The following PIK3C3 variants were observed in gnomAD, a reference collection of about 807,000 sequenced individuals.
PIK3C3 encodes phosphatidylinositol 3-kinase catalytic subunit type 3, also known as PI3-kinase type 3.
A neutral mutation model predicts 126.1 loss-of-function variants in PIK3C3; 95 were observed. The ratio of observed to expected loss-of-function variants is 0.75; its 90% CI spans 0.64 to 0.89. The LOEUF is 0.89. Among genes scored for constraint, PIK3C3 ranks in the 40% least tolerant of loss-of-function variants. The probability of loss-of-function intolerance (pLI) is 0.00; values close to 1 mark genes in which losing one functional copy is unlikely to be tolerated. For synonymous variants in PIK3C3, 374 were observed against 360.0 expected, an observed-to-expected ratio of 1.04 and a Z score of -0.44; for missense variants, 829 against 1,063.2, an observed-to-expected ratio of 0.78 and a Z score of 3.06.
At chr18:42,048,226 C>G (rs1320796129) in intron 20 of PIK3C3, among the ~76,000 whole-genome samples, 2 of 152,160 alleles carry the variant, frequency 1.3e-5, no homozygotes, top group Non-Finnish European at 2.9e-5. Flanking sequence ...TAAGAAATTG[C>G]TGTTGTTCTA....
At chr18:42,003,555 G>C (rs1982394317) in intron 9 of PIK3C3, among the ~76,000 whole-genome samples, 1 of 152,160 alleles carries the variant, frequency 6.6e-6, no homozygotes, top group African/African-American at 2.4e-5. Flanking sequence ...GGGATTACAG[G>C]CATGAGCCAC....
intron 21 of PIK3C3, among the ~76,000 whole-genome samples, chr18:42,057,141 AC>A (rs1405980305): frequency 1.3e-5 from 2 of 148,600 alleles, no homozygotes; most frequent in Non-Finnish European, 3.0e-5. Flanking sequence ...TACATACTAT[AC>A]AATGAAAACA....
At chr18:42,052,815 A>G (rs1477472038) in intron 21 of PIK3C3, 5 of 152,154 alleles carry the variant, frequency 3.3e-5, no homozygotes, top group African/African-American at 1.2e-4. Context: ...TGTCCATTGT[A>G]TATTTTGAGT....
chr18:42,049,833 C>T lies in PIK3C3; in HGVS notation c.2263+228C>T, dbSNP rs887711918. 11 of 350,026 alleles carry T rather than the reference C, an allele frequency of 3.1e-5. No individual in the cohort carries two copies. In the East Asian group the frequency reaches 3.3e-4, roughly 10 times the overall value. 21.7% of individuals were successfully genotyped at this position (350,026 alleles called of 1,614,324 possible). A position where few individuals can be genotyped will look rare whatever the true frequency, so the allele number is the denominator to read the frequency against. The stretch of plus-strand genomic sequence containing the variant: ...TACTAAACACACAAAATTTGCCGGG[C>T]GTGGTGGTACATGCCTGTAATCCCA... On this transcript the variant is annotated intron_variant, in intron 21 of 24. Transcript: ENST00000262039.
At chr18:42,079,998 AGTGTGTGTGT>A (rs71174081) in intron 24 of PIK3C3, among the ~76,000 whole-genome samples, 5 of 137,348 alleles carry the variant, frequency 3.6e-5, no homozygotes, top group African/African-American at 1.1e-4. Flanking sequence ...TAAGAGAGAG[AGTGTGTGTGT>A]GTGTGTGTGT....
intron 3 of PIK3C3, among the ~76,000 whole-genome samples, chr18:41,967,963 A>G (rs1282756036): frequency 1.3e-5 from 2 of 152,294 alleles, no homozygotes; most frequent in East Asian, 3.9e-4. Flanking sequence ...TCCCAAGTGG[A>G]CACGATGCTC....
chr18:42,023,245 T>C (rs1983406517), intron 13 of PIK3C3, among the ~76,000 whole-genome samples: 1 of 152,240 alleles, frequency 6.6e-6, no homozygotes, highest in Non-Finnish European at 1.5e-5. Flanking sequence ...ACATATTCTT[T>C]GTGTTTGATT....
At chr18:41,957,487 A>G in intron 1 of PIK3C3, 83 bp from the exon 2 acceptor site, 2 of 1,327,570 alleles carry the variant, frequency 1.5e-6, no homozygotes, top group Non-Finnish European at 2.1e-6. Context: ...CTTAAAGCAT[A>G]TATGTACATG....
rs140660681 is a variant in PIK3C3 at position 41,995,892 on chromosome 18, G to A, written c.789G>A (p.Glu263=). Residue 263 remains glutamate (E), a splice_region_variant and synonymous_variant, in exon 8 of 25, where the codon GAG becomes GAA. Coordinates refer to ENST00000262039, the MANE Select transcript of PIK3C3 (RefSeq NM_002647.4). ...VKVPDPQMSM[E]NLVESKHHKL... is the part of the protein sequence containing the mutation. ...CAATATTTTAAAATAATTTGTAGGA[G>A]AATTTAGTTGAGAGCAAACACCACA... The A allele has an allele frequency of 4.5e-5, 72 of 1,605,316 alleles. 1 individual carries two copies. The highest frequency in any genetic ancestry group is 1.7e-4 in the Middle Eastern group (1 of 6,058).
chr18:42,074,894 T>C (rs1041270189), intron 24 of PIK3C3, among the ~76,000 whole-genome samples: 4 of 152,128 alleles, frequency 2.6e-5, no homozygotes, highest in Non-Finnish European at 4.4e-5. Context: ...CTCTCTAGTT[T>C]TAAATTGTGT....
intron 4 of PIK3C3, 21 bp downstream of exon 4, chr18:41,970,477 C>T: frequency 6.2e-7 from 1 of 1,610,160 alleles, no homozygotes; most frequent in East Asian, 2.2e-5. Context: ...TCATTTGGAA[C>T]AGGTGCAAAG....
At chr18:41,992,184 ATT>A (rs1205257737) in intron 6 of PIK3C3, among the ~76,000 whole-genome samples, 1 of 152,118 alleles carries the variant, frequency 6.6e-6, no homozygotes, top group Non-Finnish European at 1.5e-5. Context: ...ACCCTGTCAT[ATT>A]TCCACTTAGT....
intron 15 of PIK3C3, 34 bp downstream of exon 15, chr18:42,029,475 G>A: frequency 9.1e-7 from 1 of 1,096,098 alleles, no homozygotes; most frequent in East Asian, 2.6e-5. Flanking sequence ...GTTCCTAATA[G>A]CATCTTGGCA....
chr18:42,004,677 G>A (rs923115251), intron 10 of PIK3C3, 136 bp downstream of exon 10: 7 of 637,740 alleles, frequency 1.1e-5, no homozygotes, highest in East Asian at 6.1e-5. Context: ...GAAGGGAAGA[G>A]GATATACTAG....
rs1982039709 is a variant in PIK3C3, at chr18:41,996,659, A to G, written c.913A>G (p.Thr305Ala). The G allele has an allele frequency of 1.3e-6, 2 of 1,573,888 alleles. No individual in the cohort carries two copies. Among genetic ancestry groups the G allele is most frequent in the African/African-American group, 1.4e-5 (1 of 73,414 alleles). ...QLNIIVSYPP[T>A]KQLTYEEQDL... is the part of the protein sequence containing the mutation. Reference sequence around the variant, plus strand: ...TTAGATTATTGTGAGTTATCCACCAACCAAGCAACTTACATATGAAGAACA... The same window carrying G: ...TTAGATTATTGTGAGTTATCCACCAGCCAAGCAACTTACATATGAAGAACA... The change falls in exon 9 of 25, where the codon ACC becomes GCC. Residue 305 changes from threonine to alanine, a missense_variant. By Grantham distance (58) the Thr-to-Ala change is moderately conservative. Transcript: ENST00000262039.
chr18:41,968,588 GAT>G (rs1401978565), intron 3 of PIK3C3, among the ~76,000 whole-genome samples: 2 of 152,122 alleles, frequency 1.3e-5, no homozygotes, highest in Non-Finnish European at 2.9e-5. Flanking sequence ...CCTTTTAACA[GAT>G]ATGGTCTTTG....
chr18:42,007,979 CTTTTT>C (rs1417641684), intron 10 of PIK3C3, among the ~76,000 whole-genome samples: 1 of 152,056 alleles, frequency 6.6e-6, no homozygotes, highest in Non-Finnish European at 1.5e-5. Flanking sequence ...TTGTTCTTTT[CTTTTT>C]CTGTGTGTTT....
At chr18:41,960,853 T>C (rs948937035) in intron 2 of PIK3C3, among the ~76,000 whole-genome samples, 3 of 151,980 alleles carry the variant, frequency 2.0e-5, no homozygotes, top group African/African-American at 7.3e-5. Context: ...AGCAATCTCC[T>C]GCCTCAGCCT....
At chr18:42,076,471 G>A (rs1449966007) in intron 24 of PIK3C3, among the ~76,000 whole-genome samples, 1 of 151,878 alleles carries the variant, frequency 6.6e-6, no homozygotes, top group Non-Finnish European at 1.5e-5. Flanking sequence ...AGATAAATAG[G>A]ATAAATGTGG....
Sources: gnomAD v4.1 joint callset for allele counts (sites outside exome capture counted in the v4.1 genomes callset) on GRCh38, gnomAD v4.1.1 for gene constraint, MANE v1.5 for transcripts, NCBI Gene and HGNC (gene_info 2026-07-23, HGNC 2026-07-21) for gene names.